The following CHML variants were observed in gnomAD, a reference collection of about 807,000 sequenced individuals.
The protein encoded by CHML is rab proteins geranylgeranyltransferase component A 2.
In CHML, 20 loss-of-function variants were observed where a neutral mutation model predicts 30.4. The observed-to-expected ratio is 0.66, with a 90% CI of 0.46 to 0.95. The LOEUF (loss-of-function observed/expected upper bound fraction) is 0.95, where lower values mean the gene tolerates loss of function less well. Among genes scored for constraint, CHML ranks in the 40% least tolerant of loss-of-function variants. The probability of loss-of-function intolerance (pLI) is 0.00; values close to 1 mark genes in which losing one functional copy is unlikely to be tolerated. For missense variants in CHML, 795 were observed against 768.5 expected, an observed-to-expected ratio of 1.03 and a Z score of -0.41; for synonymous variants, 281 against 275.0, an observed-to-expected ratio of 1.02 and a Z score of -0.22.
chr1:241,630,839 GT>G lies in CHML; in HGVS notation c.*2956del, dbSNP rs1398855400. The G allele has an allele frequency of 1.3e-5, 2 of 151,978 alleles. No individual in the cohort carries two copies. Among genetic ancestry groups the G allele is most frequent in the East Asian group, 3.8e-4 (2 of 5,196 alleles). 9.4% of individuals were successfully genotyped at this position (151,978 alleles called of 1,614,324 possible). A position where few individuals can be genotyped will look rare whatever the true frequency, so the allele number is the denominator to read the frequency against. On this transcript the variant is annotated 3_prime_UTR_variant, in exon 2 of 2. Transcript: ENST00000366553. The stretch of plus-strand genomic sequence containing the variant: ...ATTAATACTTTGGATTTTACTATTT[GT>G]TCTTTTGATGCTGATTTAATGGCTG...
intron 1 of CHML, among the ~76,000 whole-genome samples, chr1:241,638,736 A>C (rs1297133214): frequency 6.6e-6 from 1 of 152,194 alleles, no homozygotes; most frequent in Non-Finnish European, 1.5e-5. Context: ...CAATCAAATA[A>C]AATCTATTTT....
rs189826895 is a variant in CHML at position 241,635,906 on chromosome 1, C to T, written c.-140G>A. 2,379 of 768,208 alleles carry T rather than the reference C, an allele frequency of 3.1e-3. 4 individuals are homozygous for T. Among genetic ancestry groups the T allele is most frequent in the Non-Finnish European group, 4.0e-3 (1,952 of 485,768 alleles). 47.6% of individuals were successfully genotyped at this position (768,208 alleles called of 1,614,324 possible). ...CAGGTCCTAGCTGTTTAACGGTTACCCTTTTAAAATATTTTTTTTCTTATA... is the reference window on the plus strand; with the variant it reads ...CAGGTCCTAGCTGTTTAACGGTTACTCTTTTAAAATATTTTTTTTCTTATA... On this transcript the variant is annotated 5_prime_UTR_variant, in exon 2 of 2. Transcript: ENST00000366553.
At chr1:241,639,084 T>C (rs963964296) in intron 1 of CHML, 4 of 152,244 alleles carry the variant, frequency 2.6e-5, no homozygotes, top group Non-Finnish European at 5.9e-5. Flanking sequence ...GAAACTTAAA[T>C]CTTCCATAAT....
Position 241,634,842 on chromosome 1 carries a change from G to C in CHML, c.925C>G (p.Gln309Glu), listed in dbSNP as rs1037067438. Residue 309 changes from glutamine to glutamate, a missense_variant, in exon 2 of 2, where the codon CAA (glutamine) becomes GAA (glutamate). By Grantham distance (29) the Gln-to-Glu change is conservative. Transcript: ENST00000366553. ...KFLTFCLEYEQHPDEYQAFRQ... is the reference protein window; with the variant it reads ...KFLTFCLEYEEHPDEYQAFRQ... ...AAAGCTTGGTATTCATCAGGATGTT[G>C]TTCATACTCTAAACAAAATGTGAGA... The C allele has an allele frequency of 6.2e-7, 1 of 1,611,458 alleles. No homozygotes were observed. The highest frequency in any genetic ancestry group is 1.7e-5 in the Admixed American group (1 of 59,570).
At position 241,633,596 on chromosome 1, in the gene CHML, T is replaced by C; in HGVS notation, c.*200A>G. 1.6e-6 allele frequency: 1 copy of C among 616,946 alleles called. No homozygotes were observed. Among genetic ancestry groups the C allele is most frequent in the South Asian group, 2.1e-5 (1 of 48,768 alleles). The allele number at this position is 616,946 out of a possible 1,614,324, so 38.2% of individuals were successfully genotyped here. On this transcript the variant is annotated 3_prime_UTR_variant, in exon 2 of 2. Coordinates refer to ENST00000366553, the MANE Select transcript of CHML (RefSeq NM_001381853.1). ...GTCATATAGCCCATTCTAAACAAAA[T>C]GTTCAATAATCAATAAATCACTCAT...
In CHML at chr1:241,635,210, GT is replaced by G; in HGVS notation, c.556del (p.Thr186LeufsTer20). The part of the protein sequence containing the change: ...VEKEKYCGDK[T>X]CMHTVSDKDG... ...TTTATCTGAAACTGTGTGCATACAA[GT>G]TTTATCTCCACAATACTTTTCCTTC... On this transcript the variant is annotated frameshift_variant, in exon 2 of 2. Coordinates refer to ENST00000366553, the MANE Select transcript of CHML (RefSeq NM_001381853.1). LOFTEE classifies it high-confidence loss of function. 6.2e-7 allele frequency: 1 copy of G among 1,613,256 alleles called. No homozygotes were observed. Among genetic ancestry groups the G allele is most frequent in the Non-Finnish European group, 8.5e-7 (1 of 1,179,868 alleles).
At chr1:241,637,785 C>G (rs1382790812) in intron 1 of CHML, among the ~76,000 whole-genome samples, 1 of 152,212 alleles carries the variant, frequency 6.6e-6, no homozygotes, top group Non-Finnish European at 1.5e-5. Flanking sequence ...CCGCACAATG[C>G]ATGAGTCGCA....
Position 241,634,677 on chromosome 1 carries a change from G to A in CHML, c.1090C>T (p.Leu364Phe). ...TTGCCAAACCGTCCGAGACACTGAA[G>A]GAAGTTTTTAGTTGCGTTAAGACCA... ...IDGLNATKNFLQCLGRFGNTP... is the reference protein window; with the variant it reads ...IDGLNATKNFFQCLGRFGNTP... Residue 364 changes from leucine to phenylalanine, a missense_variant, in exon 2 of 2, where the codon CTT becomes TTT. Transcript: ENST00000366553. The A allele has an allele frequency of 6.2e-7, 1 of 1,613,964 alleles. No homozygotes were observed. Among genetic ancestry groups the A allele is most frequent in the East Asian group, 2.2e-5 (1 of 44,874 alleles).
rs932430008 is a variant in CHML, at chr1:241,633,613, A to G, written c.*183T>C. Reference sequence around the variant, plus strand: ...AAACAAAATGTTCAATAATCAATAAATCACTCATTGATAGGTTAACAAAGA... The same window carrying G: ...AAACAAAATGTTCAATAATCAATAAGTCACTCATTGATAGGTTAACAAAGA... On this transcript the variant is annotated 3_prime_UTR_variant, in exon 2 of 2. Coordinates refer to ENST00000366553, the MANE Select transcript of CHML (RefSeq NM_001381853.1). 36 of 655,386 alleles carry G rather than the reference A, an allele frequency of 5.5e-5. No individual in the cohort carries two copies. The South Asian group carries it at 7.0e-4, about 13-fold the overall frequency. The allele number at this position is 655,386 out of a possible 1,614,324, so 40.6% of individuals were successfully genotyped here. A position where few individuals can be genotyped will look rare whatever the true frequency, so the allele number is the denominator to read the frequency against.
Position 241,635,275 on chromosome 1 carries a change from C to T in CHML, c.492G>A (p.Glu164=). ...PAKHTQKSDT[E]ISLEVTDVEE... ...CTACATCAGTTACTTCTAGTGAAATCTCTGTATCACTTTTCTGAGTGTGTT... is the reference window on the plus strand; with the variant it reads ...CTACATCAGTTACTTCTAGTGAAATTTCTGTATCACTTTTCTGAGTGTGTT... The change falls in exon 2 of 2, where the codon GAG becomes GAA. Residue 164 remains glutamate, a synonymous_variant. Coordinates refer to ENST00000366553, the MANE Select transcript of CHML (RefSeq NM_001381853.1). 6.2e-7 allele frequency: 1 copy of T among 1,613,938 alleles called. No homozygotes were observed. The highest frequency in any genetic ancestry group is 8.5e-7 in the Non-Finnish European group (1 of 1,179,922).
rs964475986 is a variant in CHML, at chr1:241,632,532, T to C, written c.*1264A>G. The C allele has an allele frequency of 1.3e-5, 2 of 152,158 alleles. No individual in the cohort carries two copies. Among genetic ancestry groups the C allele is most frequent in the Admixed American group, 6.5e-5 (1 of 15,270 alleles). The allele number at this position is 152,158 out of a possible 1,614,324, so 9.4% of individuals were successfully genotyped here. A position where few individuals can be genotyped will look rare whatever the true frequency, so the allele number is the denominator to read the frequency against. ...CTGGACTAGAGGAAAAGCAAGTTCA[T>C]GTCTTCTGACAGCTCCACAGGTTTT... On this transcript the variant is annotated 3_prime_UTR_variant, in exon 2 of 2. Coordinates refer to ENST00000366553, the MANE Select transcript of CHML (RefSeq NM_001381853.1).
In CHML at chr1:241,633,869, A is replaced by G. The variant is rs1664751370; in HGVS notation, c.1898T>C (p.Val633Ala). The G allele has an allele frequency of 1.2e-6, 2 of 1,613,834 alleles. No homozygotes were observed. Among genetic ancestry groups the G allele is most frequent in the African/African-American group, 1.3e-5 (1 of 75,000 alleles). Residue 633 changes from valine (V) to alanine (A), a missense_variant, in exon 2 of 2, where the codon GTA becomes GCA. By Grantham distance (64) the Val-to-Ala change is moderately conservative. Coordinates refer to ENST00000366553, the MANE Select transcript of CHML (RefSeq NM_001381853.1). ...KQPEAPGTNN[V>A]VMAKLESSEE... Reference sequence around the variant, plus strand: ...AGAGGATTCTAGTTTGGCCATTACTACATTATTGGTTCCAGGAGCCTCTGG... The same window carrying G: ...AGAGGATTCTAGTTTGGCCATTACTGCATTATTGGTTCCAGGAGCCTCTGG...
In CHML at chr1:241,634,349, T is replaced by A; in HGVS notation, c.1418A>T (p.Gln473Leu). 1 of 1,614,010 alleles carries A rather than the reference T, an allele frequency of 6.2e-7. No individual in the cohort carries two copies. The highest frequency in any genetic ancestry group is 2.2e-5 in the East Asian group (1 of 44,882). The change falls in exon 2 of 2, where the codon CAG (glutamine) becomes CTG (leucine). Residue 473 changes from glutamine (Q) to leucine (L), a missense_variant. Gln to Leu is a moderately radical substitution (Grantham distance 113). Coordinates refer to ENST00000366553, the MANE Select transcript of CHML (RefSeq NM_001381853.1). ...TGGAGGAACTATCAGAATGGAAGTC[T>A]GCTGATCTAAATCTGTCTTTAGTAT... ...QSILKTDLDQQTSILIVPPAE... is the reference protein window; with the variant it reads ...QSILKTDLDQLTSILIVPPAE...
In CHML at chr1:241,640,314, G is replaced by A. The variant is rs1665078366; in HGVS notation, c.-740C>T. ...CTCAGCTTGCGGCGGGGCTCGCGGC[G>A]CGCTCCGCACTGGGTGGGGTTGGGG... On this transcript the variant is annotated 5_prime_UTR_variant, in exon 1 of 2. Coordinates refer to ENST00000366553, the MANE Select transcript of CHML (RefSeq NM_001381853.1). 4.5e-6 allele frequency: 5 copies of A among 1,099,092 alleles called. No individual in the cohort carries two copies. Among genetic ancestry groups the A allele is most frequent in the Non-Finnish European group, 5.5e-6 (5 of 906,902 alleles). 68.1% of individuals were successfully genotyped at this position (1,099,092 alleles called of 1,614,324 possible). A position where few individuals can be genotyped will look rare whatever the true frequency, so the allele number is the denominator to read the frequency against.
chr1:241,637,732 TGAGAGAACTGATAGCTG>T (rs1347409198), intron 1 of CHML, among the ~76,000 whole-genome samples: 1 of 152,172 alleles, frequency 6.6e-6, no homozygotes, highest in South Asian at 2.1e-4. Flanking sequence ...ATAATAGAGA[TGAGAGAACTGATAGCTG>T]GAGAGATTAA....
chr1:241,635,760 C>G lies in CHML; in HGVS notation c.7G>C (p.Asp3His). 1.2e-6 allele frequency: 2 copies of G among 1,607,584 alleles called. No homozygotes were observed. Among genetic ancestry groups the G allele is most frequent in the Non-Finnish European group, 1.7e-6 (2 of 1,175,814 alleles). MA[D>H]NLPTEFDVVI... ...ACATCAAACTCTGTGGGAAGATTGTCCGCCATTTTAGGAAGTAACAGCGTC... is the reference window on the plus strand; with the variant it reads ...ACATCAAACTCTGTGGGAAGATTGTGCGCCATTTTAGGAAGTAACAGCGTC... Residue 3 changes from aspartate to histidine, a missense_variant, in exon 2 of 2, where the codon GAC (aspartate) becomes CAC (histidine). Asp to His is a moderately conservative substitution (Grantham distance 81, BLOSUM62 -1). Transcript: ENST00000366553.
At position 241,633,589 on chromosome 1, in the gene CHML, A is replaced by T. The variant is rs973739254; in HGVS notation, c.*207T>A. 19 of 605,930 alleles carry T rather than the reference A, an allele frequency of 3.1e-5. No homozygotes were observed. Among genetic ancestry groups the T allele is most frequent in the Non-Finnish European group, 5.1e-5 (18 of 355,868 alleles). 37.5% of individuals were successfully genotyped at this position (605,930 alleles called of 1,614,324 possible). Reference sequence around the variant, plus strand: ...ATTCTGGGTCATATAGCCCATTCTAAACAAAATGTTCAATAATCAATAAAT... The same window carrying T: ...ATTCTGGGTCATATAGCCCATTCTATACAAAATGTTCAATAATCAATAAAT... On this transcript the variant is annotated 3_prime_UTR_variant, in exon 2 of 2. Coordinates refer to ENST00000366553, the MANE Select transcript of CHML (RefSeq NM_001381853.1).
Position 241,634,297 on chromosome 1 carries a change from C to T in CHML, c.1470G>A (p.Arg490=). The change falls in exon 2 of 2, where the codon CGG becomes CGA. Residue 490 remains arginine, a synonymous_variant. Coordinates refer to ENST00000366553, the MANE Select transcript of CHML (RefSeq NM_001381853.1). ...TGGTTGAAGAACATAATTCTGTGAC[C>T]CGTACAGCACAAGCTCCTGGCTCTG... The part of the protein sequence containing the change: ...PPAEPGACAV[R]VTELCSSTMT... 1.2e-6 allele frequency: 2 copies of T among 1,613,836 alleles called. No individual in the cohort carries two copies. Among genetic ancestry groups the T allele is most frequent in the Non-Finnish European group, 8.5e-7 (1 of 1,179,902 alleles).
chr1:241,634,552 T>G lies in CHML; in HGVS notation c.1215A>C (p.Lys405Asn). Residue 405 changes from lysine (K) to asparagine (N), a missense_variant, in exon 2 of 2, where the codon AAA becomes AAC. Physicochemically the swap from Lys to Asn is moderately conservative, Grantham distance 94. Transcript: ENST00000366553. ...VFGGIYCLRHKVQCFVVDKES... is the reference protein window; with the variant it reads ...VFGGIYCLRHNVQCFVVDKES... Reference sequence around the variant, plus strand: ...CTTTGTCGACTACAAAGCATTGTACTTTATGACGAAGACAATAGATTCCAC... The same window carrying G: ...CTTTGTCGACTACAAAGCATTGTACGTTATGACGAAGACAATAGATTCCAC... 1 of 1,613,906 alleles carries G rather than the reference T, an allele frequency of 6.2e-7. No homozygotes were observed. The highest frequency in any genetic ancestry group is 1.1e-5 in the South Asian group (1 of 91,072).
Sources: gnomAD v4.1 joint callset for allele counts (sites outside exome capture counted in the v4.1 genomes callset) on GRCh38, gnomAD v4.1.1 for gene constraint, MANE v1.5 for transcripts, NCBI Gene and HGNC (gene_info 2026-07-23, HGNC 2026-07-21) for gene names.